FRYL: variants seen among roughly 807,000 people sequenced by gnomAD.
FRYL encodes FRY like transcription coactivator.
In FRYL, 150 loss-of-function variants were observed where a neutral mutation model predicts 351.2. The observed-to-expected ratio is 0.43, with a 90% CI of 0.37 to 0.49. FRYL has a LOEUF of 0.49. FRYL is among the 20% of genes least tolerant of loss of function. The pLI, the probability that FRYL is intolerant of heterozygous loss-of-function variation, is 0.00. For missense variants in FRYL, 3,036 were observed against 3,619.3 expected (o/e 0.84, Z 4.13); for synonymous variants, 1,153 against 1,257.1 (o/e 0.92, Z 1.75).
intron 19 of FRYL, among the ~76,000 whole-genome samples, chr4:48,583,505 G>A (rs1741384046): frequency 6.6e-6 from 1 of 151,716 alleles, no homozygotes; most frequent in African/African-American, 2.4e-5. Context: ...TGTGAAGAAG[G>A]ATATACAACA....
intron 7 of FRYL, among the ~76,000 whole-genome samples, chr4:48,612,231 A>T (rs1025032522): frequency 1.3e-5 from 2 of 151,942 alleles, no homozygotes; most frequent in Non-Finnish European, 2.9e-5. Context: ...TCTGTACCTG[A>T]ATCTTTGAAA....
intron 1 of FRYL, 139 bp from the exon 2 acceptor site, chr4:48,710,837 C>T (rs754314987): frequency 1.3e-5 from 5 of 373,320 alleles, no homozygotes; most frequent in Non-Finnish European, 2.4e-5. Context: ...AGTAATTCCA[C>T]ACCCAGGTAT....
At chr4:48,716,573 T>C (rs1768855528) in intron 1 of FRYL, among the ~76,000 whole-genome samples, 1 of 151,556 alleles carries the variant, frequency 6.6e-6, no homozygotes, top group Admixed American at 6.6e-5. Context: ...CACAATGAGA[T>C]ATCATCTCAC....
chr4:48,764,861 C>T (rs1179788276), intron 1 of FRYL, among the ~76,000 whole-genome samples: 1 of 151,694 alleles, frequency 6.6e-6, no homozygotes, highest in Non-Finnish European at 1.5e-5. Context: ...TTTTTTTTCC[C>T]CGAGATGAAG....
chr4:48,508,380 T>C (rs766822366), intron 59 of FRYL, among the ~76,000 whole-genome samples: 26 of 152,252 alleles, frequency 1.7e-4, no homozygotes, highest in Non-Finnish European at 2.8e-4. Context: ...AGTCTTCTAA[T>C]TGATAAACAT....
chr4:48,669,970 AATAG>A (rs1762387424), intron 3 of FRYL, among the ~76,000 whole-genome samples: 1 of 151,928 alleles, frequency 6.6e-6, no homozygotes, highest in African/African-American at 2.4e-5. Context: ...AATTTTTATG[AATAG>A]ATAGTAGGTG....
At chr4:48,500,539 A>G (rs1238782552) in intron 62 of FRYL, among the ~76,000 whole-genome samples, 3 of 152,232 alleles carry the variant, frequency 2.0e-5, no homozygotes, top group African/African-American at 4.8e-5. Context: ...TGAAAACTAT[A>G]TAACAGTAAA....
chr4:48,565,752 C>T, intron 28 of FRYL, 61 bp from the exon 29 acceptor site: 1 of 1,490,732 alleles, frequency 6.7e-7, no homozygotes, highest in Non-Finnish European at 9.2e-7. Flanking sequence ...AACTTTTATA[C>T]CAACATGTTA....
intron 1 of FRYL, among the ~76,000 whole-genome samples, chr4:48,711,103 A>AACAGCTCCGGTCT (rs1767946852): frequency 6.6e-6 from 1 of 152,210 alleles, no homozygotes; most frequent in Non-Finnish European, 1.5e-5. Context: ...GCCGAATAGG[A>AACAGCTCCGGTCT]ACAGCTCCGG....
chr4:48,720,359 T>C (rs1769335082), intron 1 of FRYL, among the ~76,000 whole-genome samples: 1 of 151,738 alleles, frequency 6.6e-6, no homozygotes, highest in Non-Finnish European at 1.5e-5. Context: ...TAATCAGGCA[T>C]GGTGGCATGC....
chr4:48,664,399 A>C (rs1761362853), intron 3 of FRYL, among the ~76,000 whole-genome samples: 1 of 152,268 alleles, frequency 6.6e-6, no homozygotes. Flanking sequence ...GGAAGAAGGC[A>C]GTAAGAATGA....
chr4:48,716,655 C>A lies in FRYL; in HGVS notation c.-383-5957G>T, dbSNP rs1349573460. On this transcript the variant is annotated intron_variant, in intron 1 of 63. Transcript: ENST00000358350. ...TGGAGAGGATGTGGAGAAATCGGAA[C>A]ACTTTTACACTGTTGGTGGGTCTGT... 1.3e-5 allele frequency among the ~76,000 whole-genome samples: 2 copies of A among 151,530 alleles called. 1 individual carries two copies. Among genetic ancestry groups the A allele is most frequent in the Non-Finnish European group, 2.9e-5 (2 of 67,852 alleles).
intron 40 of FRYL, 56 bp downstream of exon 40, chr4:48,548,634 C>T: frequency 1.0e-6 from 1 of 981,822 alleles, no homozygotes. Context: ...AACCATACTG[C>T]TTTTAAATTA....
At chr4:48,715,674 A>G (rs1197836212) in intron 1 of FRYL, among the ~76,000 whole-genome samples, 2 of 152,148 alleles carry the variant, frequency 1.3e-5, no homozygotes, top group Admixed American at 6.5e-5. Context: ...GGAAGAATCA[A>G]TATCGTGAAA....
chr4:48,522,786 G>A, intron 54 of FRYL, 115 bp downstream of exon 54: 3 of 823,486 alleles, frequency 3.6e-6, no homozygotes, highest in South Asian at 1.5e-5. Flanking sequence ...TTGCAATCTT[G>A]TAGATTCATT....
At position 48,560,563 on chromosome 4, in the gene FRYL, T is replaced by C. The variant is rs1735260767; in HGVS notation, c.3865+905A>G. ...CCCAGCTGGACTCCTCTACTTTCTG[T>C]GCAAAAGCCTCTAGCAGCAGCTCAG... On this transcript the variant is annotated intron_variant, in intron 33 of 63. Transcript: ENST00000358350. Among the ~76,000 whole-genome samples, 3 of 152,000 alleles carry C rather than the reference T, an allele frequency of 2.0e-5. No homozygotes were observed. In the South Asian group the frequency reaches 6.2e-4, roughly 32 times the overall value.
chr4:48,652,214 A>G (rs1468354862), intron 3 of FRYL, among the ~76,000 whole-genome samples: 1 of 152,236 alleles, frequency 6.6e-6, no homozygotes, highest in Non-Finnish European at 1.5e-5. Flanking sequence ...GTACCTAAAC[A>G]AAGTTCTTAC....
At chr4:48,573,284 G>T in intron 25 of FRYL, 41 bp from the exon 26 acceptor site, 1 of 1,265,650 alleles carries the variant, frequency 7.9e-7, no homozygotes. Context: ...TAGCTACACA[G>T]ATATAATCTG....
At chr4:48,656,737 T>TAC in intron 3 of FRYL, among the ~76,000 whole-genome samples, 2 of 148,554 alleles carry the variant, frequency 1.3e-5, no homozygotes, top group East Asian at 3.9e-4. Context: ...ACTATATATA[T>TAC]ATATATTTAT....
Sources: gnomAD v4.1 joint callset for allele counts (sites outside exome capture counted in the v4.1 genomes callset) on GRCh38, gnomAD v4.1.1 for gene constraint, MANE v1.5 for transcripts, NCBI Gene and HGNC (gene_info 2026-07-23, HGNC 2026-07-21) for gene names.